HYCC1: variants seen among roughly 807,000 people sequenced by gnomAD.
HYCC1 encodes hyccin.
chr7:22,896,600 C>T, the HYCC1 span, among the ~76,000 whole-genome samples: 3 of 152,132 alleles, frequency 2.0e-5, no homozygotes, highest in African/African-American at 7.2e-5. Flanking sequence ...GCCTTTTATA[C>T]AATTGTCTTT....
At chr7:22,934,707 G>C in the HYCC1 span, 1 of 152,212 alleles carries the variant, frequency 6.6e-6, no homozygotes, top group Non-Finnish European at 1.5e-5. Context: ...CCTGACACAA[G>C]ATTCCAAGAA....
chr7:22,907,462 C>G, the HYCC1 span, among the ~76,000 whole-genome samples: 1 of 152,148 alleles, frequency 6.6e-6, no homozygotes, highest in Non-Finnish European at 1.5e-5. Context: ...GAGTGAACAA[C>G]TATTCAAACA....
the HYCC1 span, among the ~76,000 whole-genome samples, chr7:22,922,267 CAGCG>C: frequency 6.6e-6 from 1 of 152,106 alleles, no homozygotes; most frequent in Non-Finnish European, 1.5e-5. Flanking sequence ...AATTGAAAGA[CAGCG>C]ATTGTCAGAT....
the HYCC1 span, among the ~76,000 whole-genome samples, chr7:22,925,388 TA>T: frequency 6.6e-6 from 1 of 152,204 alleles, no homozygotes; most frequent in East Asian, 1.9e-4. Context: ...TACTCCGAGC[TA>T]AAGGAGGAAG....
At chr7:22,959,437 G>C in the HYCC1 span, among the ~76,000 whole-genome samples, 1 of 152,112 alleles carries the variant, frequency 6.6e-6, no homozygotes, top group Non-Finnish European at 1.5e-5. Flanking sequence ...GAAGAAAATA[G>C]AGAATGGATT....
chr7:22,955,925 ACTT>A, the HYCC1 span, among the ~76,000 whole-genome samples: 2 of 151,708 alleles, frequency 1.3e-5, no homozygotes, highest in East Asian at 1.9e-4. Context: ...TTTTCCTTTA[ACTT>A]CTTTTTATTT....
At chr7:22,999,727 C>T in the HYCC1 span, among the ~76,000 whole-genome samples, 4 of 152,076 alleles carry the variant, frequency 2.6e-5, no homozygotes, top group Non-Finnish European at 5.9e-5. Context: ...TCAGCAAGCC[C>T]TTGATTGCCT....
At chr7:22,960,331 T>C in the HYCC1 span, 1 of 1,613,562 alleles carries the variant, frequency 6.2e-7, no homozygotes, top group Non-Finnish European at 8.5e-7. Context: ...GAAGTTGGTG[T>C]GATTTCAACT....
the HYCC1 span, chr7:22,940,928 A>G: frequency 1.3e-5 from 2 of 151,804 alleles, no homozygotes; most frequent in African/African-American, 2.4e-5. Flanking sequence ...CTCACCACAC[A>G]TGGCAATAAA....
chr7:22,967,646 G>A, the HYCC1 span, among the ~76,000 whole-genome samples: 1 of 152,154 alleles, frequency 6.6e-6, no homozygotes, highest in Admixed American at 6.5e-5. Flanking sequence ...AACTGGAGAT[G>A]GGTGGGATGA....
chr7:22,959,114 G>A, the HYCC1 span, among the ~76,000 whole-genome samples: 1 of 152,076 alleles, frequency 6.6e-6, no homozygotes, highest in Non-Finnish European at 1.5e-5. Flanking sequence ...TTTAAATGGT[G>A]GTATAATTTG....
At chr7:22,913,658 CT>C in the HYCC1 span, among the ~76,000 whole-genome samples, 3 of 152,210 alleles carry the variant, frequency 2.0e-5, no homozygotes, top group Non-Finnish European at 4.4e-5. Flanking sequence ...AAACAACTCC[CT>C]TTTACTGTAA....
the HYCC1 span, chr7:22,960,132 C>A: frequency 1.7e-5 from 17 of 1,018,014 alleles, no homozygotes; most frequent in Non-Finnish European, 2.2e-5. Context: ...GAGTTAAGGG[C>A]AACTCCACAG....
chr7:22,931,176 C>A, the HYCC1 span, among the ~76,000 whole-genome samples: 1 of 145,316 alleles, frequency 6.9e-6, no homozygotes, highest in African/African-American at 2.5e-5. Context: ...CACATGAAGA[C>A]ACACAGGAAA....
At chr7:22,999,846 C>A in the HYCC1 span, among the ~76,000 whole-genome samples, 2,402 of 152,094 alleles carry the variant, frequency 0.016, 68 homozygotes, top group African/African-American at 0.055. Context: ...AAAGGAAAAG[C>A]AGGGAATAGA....
the HYCC1 span, among the ~76,000 whole-genome samples, chr7:22,972,105 T>C: frequency 6.6e-6 from 1 of 152,226 alleles, no homozygotes; most frequent in Admixed American, 6.5e-5. Flanking sequence ...CAATGACTTA[T>C]GTGCATCCAT....
chr7:22,897,136 A>C, the HYCC1 span, among the ~76,000 whole-genome samples: 1 of 152,128 alleles, frequency 6.6e-6, no homozygotes, highest in Admixed American at 6.5e-5. Flanking sequence ...CATCTTGGGG[A>C]GAGACAGCGA....
the HYCC1 span, among the ~76,000 whole-genome samples, chr7:22,982,708 C>T: frequency 5.9e-3 from 891 of 152,246 alleles, 8 homozygotes; most frequent in African/African-American, 0.021. Context: ...GCTTCCTAGT[C>T]TTCTTGCATT....
chr7:22,993,138 G>A, the HYCC1 span, among the ~76,000 whole-genome samples: 1 of 152,158 alleles, frequency 6.6e-6, no homozygotes, highest in Non-Finnish European at 1.5e-5. Context: ...AGTGAGGAAA[G>A]GATGCTCTTT....
Sources: allele counts gnomAD v4.1 joint callset (sites outside exome capture counted in the v4.1 genomes callset), GRCh38; gene constraint gnomAD v4.1.1; transcripts MANE v1.5; gene names NCBI Gene and HGNC (gene_info 2026-07-23, HGNC 2026-07-21).